The following TNRC6A variants were observed in gnomAD, a reference collection of about 807,000 sequenced individuals.
TNRC6A encodes trinucleotide repeat-containing gene 6A protein.
TNRC6A carries 44 observed loss-of-function variants against 221.2 expected under a neutral mutation model. The observed-to-expected ratio is 0.20, with a 90% CI of 0.16 to 0.26. TNRC6A has a LOEUF of 0.26. Ranked by LOEUF, TNRC6A falls within the 10% of genes least tolerant of loss-of-function variation. The probability of loss-of-function intolerance (pLI) is 1.00; values close to 1 mark genes in which losing one functional copy is unlikely to be tolerated. For missense variants in TNRC6A, 2,199 were observed against 2,404.4 expected (o/e 0.91, Z 1.79); for synonymous variants, 847 against 838.5 (o/e 1.01, Z -0.18).
At chr16:24,671,935 A>G (rs1320248425) in intron 2 of TNRC6A, among the ~76,000 whole-genome samples, 1 of 152,170 alleles carries the variant, frequency 6.6e-6, no homozygotes, top group Non-Finnish European at 1.5e-5. Context: ...ACCAAATGCA[A>G]TTTCTGATCC....
intron 2 of TNRC6A, among the ~76,000 whole-genome samples, chr16:24,675,718 A>C (rs1349130111): frequency 3.2e-3 from 386 of 122,410 alleles, no homozygotes; most frequent in African/African-American, 5.4e-3. Flanking sequence ...ATATATATAT[A>C]TATATATATA....
At chr16:24,792,613 CTTTTTTTTT>C (rs34670934) in intron 6 of TNRC6A, among the ~76,000 whole-genome samples, 2 of 56,520 alleles carry the variant, frequency 3.5e-5, no homozygotes, top group Non-Finnish European at 5.8e-5. Context: ...ACATTTATGG[CTTTTTTTTT>C]TTTTTTTTTT....
Position 24,805,121 on chromosome 16 carries a change from T to A in TNRC6A, c.4092T>A (p.Ala1364=), listed in dbSNP as rs752379137. The A allele has an allele frequency of 6.2e-7, 1 of 1,614,188 alleles. No individual in the cohort carries two copies. The highest frequency in any genetic ancestry group is 8.5e-7 in the Non-Finnish European group (1 of 1,180,038). ...PLSSSQPNLR[A]QVPPPLLSPQ... is the part of the protein sequence containing the mutation. ...GTTCATCTCAGCCTAATCTCCGTGCTCAAGTGCCTCCTCCATTACTCTCCC... is the reference window on the plus strand; with the variant it reads ...GTTCATCTCAGCCTAATCTCCGTGCACAAGTGCCTCCTCCATTACTCTCCC... The change falls in exon 14 of 25, where the codon GCT becomes GCA. Residue 1364 remains alanine, a synonymous_variant. Coordinates refer to ENST00000395799, the MANE Select transcript of TNRC6A (RefSeq NM_014494.4).
chr16:24,715,256 G>A (rs1319339411), intron 2 of TNRC6A, among the ~76,000 whole-genome samples: 2 of 151,670 alleles, frequency 1.3e-5, no homozygotes, highest in Non-Finnish European at 1.5e-5. Flanking sequence ...TTAATTTTTT[G>A]TAGAGACAAG....
chr16:24,706,685 C>A, intron 2 of TNRC6A, among the ~76,000 whole-genome samples: 1 of 121,796 alleles, frequency 8.2e-6, no homozygotes, highest in Admixed American at 9.9e-5. Flanking sequence ...GAGCGAGACT[C>A]TGTCTCAAAA....
At position 24,823,816 on chromosome 16, in the gene TNRC6A, A is replaced by C; in HGVS notation, c.*9A>C. ...GTGGAGAGTCCATGTAACAGTGTAG[A>C]TGCAGACTCACCGACCGGGACCTCA... On this transcript the variant is annotated 3_prime_UTR_variant, in exon 25 of 25. Coordinates refer to ENST00000395799, the MANE Select transcript of TNRC6A (RefSeq NM_014494.4). The surrounding 1 kb of genome is among the most constrained non-coding windows in gnomAD (Gnocchi z 4.3). 7.2e-7 allele frequency: 1 copy of C among 1,396,464 alleles called. No homozygotes were observed. The highest frequency in any genetic ancestry group is 9.3e-7 in the Non-Finnish European group (1 of 1,071,274). The allele number at this position is 1,396,464 out of a possible 1,614,324, so 86.5% of individuals were successfully genotyped here.
chr16:24,751,783 A>G (rs2057141873), intron 3 of TNRC6A, among the ~76,000 whole-genome samples: 1 of 152,200 alleles, frequency 6.6e-6, no homozygotes, highest in South Asian at 2.1e-4. Context: ...AGGGGAAAAC[A>G]CAGGCTGTAA....
chr16:24,626,748 C>T (rs1311102237), intron 1 of TNRC6A, among the ~76,000 whole-genome samples: 1 of 148,478 alleles, frequency 6.7e-6, no homozygotes, highest in African/African-American at 2.5e-5. Flanking sequence ...CTCCCGGGTT[C>T]ACGCCATTCT....
At chr16:24,729,580 G>C (rs1052875659), upstream of TNRC6A, 6 of 393,116 alleles carry the variant, frequency 1.5e-5, no homozygotes, top group African/African-American at 6.4e-5. Context: ...TGCGGGTCCA[G>C]TTGCTAGGGC....
Position 24,777,319 on chromosome 16 carries a change from C to G in TNRC6A, c.550C>G (p.Gln184Glu). Residue 184 changes from glutamine to glutamate, a missense_variant, in exon 5 of 25, where the codon CAA (glutamine) becomes GAA (glutamate). Transcript: ENST00000395799. The part of the protein sequence containing the change: ...ESSALTNQQP[Q>E]NNGEVQNSKN... The stretch of plus-strand genomic sequence containing the variant: ...CAGTGCTTTAACAAATCAACAGCCA[C>G]AAAATAACGGAGAGGTGCAGAACAG... The G allele has an allele frequency of 1.2e-6, 2 of 1,613,362 alleles. No homozygotes were observed. Among genetic ancestry groups the G allele is most frequent in the Non-Finnish European group, 1.7e-6 (2 of 1,179,950 alleles).
At chr16:24,713,433 CAAACAAACAAACAAACAAAA>C in intron 2 of TNRC6A, among the ~76,000 whole-genome samples, 1 of 131,822 alleles carries the variant, frequency 7.6e-6, no homozygotes, top group East Asian at 2.3e-4. Context: ...AACAAACAAA[CAAACAAACAAACAAACAAAA>C]AAATATATAT....
chr16:24,784,249 G>A (rs563420497), intron 5 of TNRC6A, among the ~76,000 whole-genome samples: 62 of 152,230 alleles, frequency 4.1e-4, no homozygotes, highest in African/African-American at 6.7e-4. Flanking sequence ...TGATCCTCCC[G>A]CCTCGGCCTC....
intron 2 of TNRC6A, among the ~76,000 whole-genome samples, chr16:24,719,367 T>A (rs2056371146): frequency 6.6e-6 from 1 of 152,116 alleles, no homozygotes; most frequent in Admixed American, 6.6e-5. Context: ...CTACAAAAAA[T>A]TTTAAAAATC....
At chr16:24,736,739 A>G (rs1208507574) in intron 2 of TNRC6A, among the ~76,000 whole-genome samples, 2 of 152,174 alleles carry the variant, frequency 1.3e-5, no homozygotes, top group Non-Finnish European at 2.9e-5. Context: ...AAGGTTATCC[A>G]ATATTCTTAC....
chr16:24,730,329 C>G (rs775650223), intron 2 of TNRC6A, 29 bp downstream of exon 2: 6 of 1,601,158 alleles, frequency 3.7e-6, no homozygotes, highest in Middle Eastern at 1.7e-4. Context: ...CCGTCTCCCG[C>G]CCCACGATAA....
intron 2 of TNRC6A, among the ~76,000 whole-genome samples, chr16:24,723,792 A>T (rs570546990): frequency 6.6e-6 from 1 of 152,100 alleles, no homozygotes; most frequent in Non-Finnish European, 1.5e-5. Context: ...AAATTGAGAG[A>T]CAACTGTTTC....
rs1249885392 is a variant in TNRC6A, at chr16:24,687,958, T to TCTTTTC, written n.402+46949_402+46950insCTTTTC. ...TCTTTTCTTTTCTTTTCTTTTCTTT[T>TCTTTTC]TTTTTTTTTTGTCGCCCAGGCTAGA... On this transcript the variant is annotated intron_variant and non_coding_transcript_variant, in intron 2 of 2. Coordinates refer to the TNRC6A transcript ENST00000566108. Among the ~76,000 whole-genome samples the TCTTTTC allele has an allele frequency of 5.1e-5, 7 of 137,632 alleles. No individual in the cohort carries two copies. The South Asian group carries it at 7.1e-4, about 14-fold the overall frequency. 90.3% of individuals were successfully genotyped at this position (137,632 alleles called of 152,430 possible).
At chr16:24,720,487 G>A (rs1206778856) in intron 2 of TNRC6A, among the ~76,000 whole-genome samples, 1 of 151,392 alleles carries the variant, frequency 6.6e-6, no homozygotes, top group East Asian at 1.9e-4. Flanking sequence ...TCAGGAGTTC[G>A]AGACCAGCCT....
At chr16:24,795,142 G>A (rs1005951507) in intron 8 of TNRC6A, among the ~76,000 whole-genome samples, 19 of 152,126 alleles carry the variant, frequency 1.2e-4, no homozygotes, top group African/African-American at 3.6e-4. Flanking sequence ...TGTCATGTTT[G>A]TCCCTATCCC....
Sources: gnomAD v4.1 joint callset for allele counts (sites outside exome capture counted in the v4.1 genomes callset) on GRCh38, gnomAD v4.1.1 for gene constraint, Gnocchi (gnomAD v3.1) non-coding constraint, MANE v1.5 for transcripts, NCBI Gene and HGNC (gene_info 2026-07-23, HGNC 2026-07-21) for gene names.